NME7: variants seen among roughly 807,000 people sequenced by gnomAD.
NME7 encodes the protein nucleoside diphosphate kinase 7.
In NME7, 41 loss-of-function variants were observed where a neutral mutation model predicts 49.1. The observed-to-expected ratio is 0.83, with a 90% CI of 0.65 to 1.08. NME7 has a LOEUF of 1.08. Ranked by LOEUF, NME7 falls within the 50% of genes least tolerant of loss-of-function variation. NME7 has a pLI of 0.00. For missense variants in NME7, 423 were observed against 463.4 expected (o/e 0.91, Z 0.80); for synonymous variants, 139 against 150.6 (o/e 0.92, Z 0.56).
At chr1:169,353,754 C>T (rs902343939) in intron 1 of NME7, among the ~76,000 whole-genome samples, 5 of 151,982 alleles carry the variant, frequency 3.3e-5, no homozygotes, top group East Asian at 1.9e-4. Context: ...TCTCAATATA[C>T]GTTTCTCAAA....
At position 169,323,263 on chromosome 1, in the gene NME7, G is replaced by A. The variant is rs201299047; in HGVS notation, c.132C>T (p.Arg44=). 1.3e-6 allele frequency: 2 copies of A among 1,598,162 alleles called. No homozygotes were observed. Among genetic ancestry groups the A allele is most frequent in the East Asian group, 2.3e-5 (1 of 44,242 alleles). Residue 44 remains arginine, a synonymous_variant, in exon 3 of 12, where the codon CGC becomes CGT. Coordinates refer to ENST00000367811, the MANE Select transcript of NME7 (RefSeq NM_013330.5). The part of the protein sequence containing the change: ...SVEMHDVKNH[R]TFLKRTKYDN... ...CATATTTGGTCCGCTTTAAAAAGGT[G>A]CGATGATTCTTTACATCATGCTAGA...
intron 10 of NME7, among the ~76,000 whole-genome samples, chr1:169,176,908 G>GT (rs1190359328): frequency 1.3e-5 from 2 of 151,960 alleles, no homozygotes; most frequent in African/African-American, 4.8e-5. Context: ...AGAGGATTGG[G>GT]TTTTTTGGTA....
chr1:169,165,320 A>T (rs1163630941), intron 11 of NME7, among the ~76,000 whole-genome samples: 1 of 152,032 alleles, frequency 6.6e-6, no homozygotes, highest in Non-Finnish European at 1.5e-5. Context: ...TAAATAAATA[A>T]ATAAATAAAA....
intron 7 of NME7, chr1:169,286,953 CAAAAAA>C: frequency 1.7e-5 from 2 of 114,932 alleles, no homozygotes; most frequent in South Asian, 2.5e-4. Flanking sequence ...GACTCTGTCT[CAAAAAA>C]AAAAAAAAAA....
intron 7 of NME7, among the ~76,000 whole-genome samples, chr1:169,250,798 G>A (rs985743047): frequency 1.3e-5 from 2 of 151,946 alleles, no homozygotes; most frequent in Non-Finnish European, 2.9e-5. Context: ...GTTACTTTTG[G>A]AGTTGATTTG....
At chr1:169,167,060 A>G (rs1659436174) in intron 11 of NME7, among the ~76,000 whole-genome samples, 1 of 152,240 alleles carries the variant, frequency 6.6e-6, no homozygotes, top group African/African-American at 2.4e-5. Flanking sequence ...CTACAATAAT[A>G]AAAACAGTAT....
chr1:169,220,398 C>G (rs1458626924), intron 10 of NME7, among the ~76,000 whole-genome samples: 1 of 152,058 alleles, frequency 6.6e-6, no homozygotes, highest in South Asian at 2.1e-4. Context: ...TCCCACTTTT[C>G]CTGGGATTGG....
intron 7 of NME7, among the ~76,000 whole-genome samples, chr1:169,274,965 C>A (rs1649644021): frequency 2.3e-5 from 3 of 132,348 alleles, no homozygotes; most frequent in Admixed American, 2.2e-4. Context: ...TTTTTGGTTC[C>A]ATATGAAATT....
intron 1 of NME7, among the ~76,000 whole-genome samples, chr1:169,367,120 C>G (rs568624717): frequency 6.7e-6 from 1 of 148,916 alleles, no homozygotes; most frequent in South Asian, 2.1e-4. Context: ...GCTCTCCAAG[C>G]AATCCCAGGA....
At chr1:169,277,137 G>A (rs893956483) in intron 7 of NME7, among the ~76,000 whole-genome samples, 1 of 150,382 alleles carries the variant, frequency 6.6e-6, no homozygotes, top group Non-Finnish European at 1.5e-5. Context: ...ATAGGTGTGG[G>A]GTGGTGCTGA....
intron 1 of NME7, among the ~76,000 whole-genome samples, chr1:169,327,899 C>T (rs900125058): frequency 6.6e-6 from 1 of 152,156 alleles, no homozygotes; most frequent in African/African-American, 2.4e-5. Context: ...AAAATCCAAA[C>T]TCTCAGTTCA....
chr1:169,234,171 T>C (rs1392254755), intron 9 of NME7, among the ~76,000 whole-genome samples: 7 of 152,172 alleles, frequency 4.6e-5, no homozygotes. Context: ...AAGTCACAAA[T>C]TTTTTAAACA....
intron 10 of NME7, among the ~76,000 whole-genome samples, chr1:169,173,059 C>A (rs965822538): frequency 1.3e-5 from 2 of 152,128 alleles, no homozygotes; most frequent in African/African-American, 4.8e-5. Context: ...GATGGAGTAG[C>A]AAATAAGGGT....
chr1:169,283,222 ATCT>A (rs530774777), intron 7 of NME7, among the ~76,000 whole-genome samples: 36 of 151,928 alleles, frequency 2.4e-4, no homozygotes, highest in Non-Finnish European at 4.4e-4. Context: ...GTCTCTTTTT[ATCT>A]TTGTTGGTTT....
chr1:169,282,527 T>C (rs1160917274), intron 7 of NME7, among the ~76,000 whole-genome samples: 1 of 152,206 alleles, frequency 6.6e-6, no homozygotes, highest in Non-Finnish European at 1.5e-5. Context: ...TCTAGTTCTT[T>C]CAATTTTGAT....
chr1:169,204,427 T>A (rs1021169754), intron 10 of NME7, among the ~76,000 whole-genome samples: 1 of 152,056 alleles, frequency 6.6e-6, no homozygotes, highest in African/African-American at 2.4e-5. Flanking sequence ...ATGATGCTAA[T>A]ATCTCTCTAG....
chr1:169,320,284 A>ATT (rs1651806282), intron 3 of NME7, among the ~76,000 whole-genome samples: 1 of 152,192 alleles, frequency 6.6e-6, no homozygotes, highest in Non-Finnish European at 1.5e-5. Context: ...GAGGATAAAA[A>ATT]TGTGAATCAA....
intron 3 of NME7, among the ~76,000 whole-genome samples, chr1:169,318,650 T>C (rs1651742931): frequency 6.6e-6 from 1 of 152,206 alleles, no homozygotes; most frequent in African/African-American, 2.4e-5. Flanking sequence ...AAAATCTACA[T>C]GGAAACGTTC....
chr1:169,282,341 T>C (rs561808268), intron 7 of NME7, among the ~76,000 whole-genome samples: 2 of 152,320 alleles, frequency 1.3e-5, no homozygotes, highest in South Asian at 4.1e-4. Flanking sequence ...TTCTCTCTTT[T>C]CTTCTTTATT....
Sources: allele counts gnomAD v4.1 joint callset (sites outside exome capture counted in the v4.1 genomes callset), GRCh38; gene constraint gnomAD v4.1.1; transcripts MANE v1.5; gene names NCBI Gene and HGNC (gene_info 2026-07-23, HGNC 2026-07-21).